Variants in L1CAM observed in about 807,000 individuals in gnomAD.
L1CAM encodes the protein neural cell adhesion molecule L1.
L1CAM carries 8 observed loss-of-function variants against 93.0 expected under a neutral mutation model. The observed-to-expected ratio is 0.09, with a 90% confidence interval of 0.05 to 0.16. The LOEUF (loss-of-function observed/expected upper bound fraction) is 0.16, where lower values mean the gene tolerates loss of function less well. L1CAM is among the 10% of genes least tolerant of loss of function. The pLI is 1.00. For missense variants in L1CAM, 777 were observed against 1,073.4 expected (o/e 0.72, Z 3.86); for synonymous variants, 453 against 453.0 (o/e 1.00, Z 0.00).
In L1CAM at chrX:153,868,967, G is replaced by A. The variant is rs782579407; in HGVS notation, c.1268-15C>T. 1.7e-5 allele frequency: 20 copies of A among 1,166,215 alleles called. No individual in the cohort carries two copies. Among genetic ancestry groups the A allele is most frequent in the Admixed American group, 2.2e-5 (1 of 45,867 alleles). On this transcript the variant is annotated splice_polypyrimidine_tract_variant and intron_variant, in intron 11 of 28. Coordinates refer to ENST00000370060, the MANE Select transcript of L1CAM (RefSeq NM_001278116.2). ...GGCTGGCAGCTCTAGGGGAGGAACA[G>A]CCTCAGGAGACAGGGCAGGACTTGG...
At position 153,871,076 on chromosome X, in the gene L1CAM, C is replaced by A; in HGVS notation, c.504G>T (p.Arg168=). ...CNPPPSAEPL[R]IYWMNSKILH... is the part of the protein sequence containing the mutation. Reference sequence around the variant, plus strand: ...ACCCACTGCTGTTCATCCAGTAGATCCGGAGAGGCTCTGCACTTGGGGGAG... The same window carrying A: ...ACCCACTGCTGTTCATCCAGTAGATACGGAGAGGCTCTGCACTTGGGGGAG... The change falls in exon 6 of 29, where the codon CGG becomes CGT. Residue 168 remains arginine (R), a synonymous_variant. Coordinates refer to ENST00000370060, the MANE Select transcript of L1CAM (RefSeq NM_001278116.2). The A allele has an allele frequency of 2.5e-6, 3 of 1,211,309 alleles. No individual in the cohort carries two copies. The highest frequency in any genetic ancestry group is 3.4e-6 in the Non-Finnish European group (3 of 895,463).
intron 1 of L1CAM, among the ~76,000 whole-genome samples, chrX:153,877,484 T>A (rs1423195670): frequency 2.1e-5 from 2 of 95,436 alleles, no homozygotes; most frequent in African/African-American, 7.8e-5. Context: ...AAAGTTAGCC[T>A]GGCGTGGTGG....
At chrX:153,884,518 T>C in intron 1 of L1CAM, 2 of 215,883 alleles carry the variant, frequency 9.3e-6, no homozygotes, top group Non-Finnish European at 1.7e-5. Context: ...TACAATAAGA[T>C]GTATTACTTT....
rs2064688066 is a variant in L1CAM, at chrX:153,863,978, C to A, written c.3362G>T (p.Gly1121Val). The A allele has an allele frequency of 8.2e-7, 1 of 1,212,229 alleles. No individual in the cohort carries two copies. The highest frequency in any genetic ancestry group is 3.0e-5 in the East Asian group (1 of 33,872). The part of the protein sequence containing the change: ...RLPPAGFATE[G>V]WFIGFVSAII... ...GGCACTCACAAAGCCGATGAACCAG[C>A]CCTCAGTGGCGAAGCCAGCAGGAGG... is the stretch of plus-strand genomic sequence containing the variant. The change falls in exon 26 of 29, where the codon GGC becomes GTC. Residue 1121 changes from glycine to valine, a missense_variant. Around this residue, in one of 5 missense-constraint regions of L1CAM, gnomAD observed 110 missense variants for 141.7 expected, o/e 0.78. Transcript: ENST00000370060.
chrX:153,872,721 G>C lies in L1CAM; in HGVS notation c.92-24C>G, dbSNP rs782251088. ...CACTGAAGACAGGGTGGAGAGAGCG[G>C]TGGTGAGGGTGCTGCCTGGCTGGTG... On this transcript the variant is annotated intron_variant, in intron 3 of 28. Coordinates refer to ENST00000370060, the MANE Select transcript of L1CAM (RefSeq NM_001278116.2). 7 of 1,118,699 alleles carry C rather than the reference G, an allele frequency of 6.3e-6. No individual in the cohort carries two copies. In the South Asian group the frequency reaches 1.3e-4, roughly 20 times the overall value. 92.2% of individuals were successfully genotyped at this position (1,118,699 alleles called of 1,213,427 possible). A position where few individuals can be genotyped will look rare whatever the true frequency, so the allele number is the denominator to read the frequency against.
intron 28 of L1CAM, among the ~76,000 whole-genome samples, chrX:153,863,122 C>T (rs2064678582): frequency 8.9e-6 from 1 of 112,089 alleles, no homozygotes. Flanking sequence ...GATTATGGGG[C>T]CTGGTTCCTG....
In L1CAM at chrX:153,862,858, T is replaced by C. The variant is rs376315514; in HGVS notation, c.3579A>G (p.Pro1193=). The part of the protein sequence containing the change: ...NEEKAFGSSQ[P]SLNGDIKPLG... Reference sequence around the variant, plus strand: ...GGGGCTTGATGTCCCCGTTGAGCGATGGCTGGCTGCTGCCAAAGGCCTTCT... The same window carrying C: ...GGGGCTTGATGTCCCCGTTGAGCGACGGCTGGCTGCTGCCAAAGGCCTTCT... The change falls in exon 29 of 29, where the codon CCA becomes CCG. Residue 1193 remains proline (P), a synonymous_variant. Transcript: ENST00000370060. 8.3e-7 allele frequency: 1 copy of C among 1,211,161 alleles called. No individual in the cohort carries two copies. Among genetic ancestry groups the C allele is most frequent in the African/African-American group, 1.7e-5 (1 of 57,594 alleles).
rs570518526 is a variant in L1CAM at position 153,878,541 on chromosome X, C to T, written c.-108-2597G>A. Among the ~76,000 whole-genome samples the T allele has an allele frequency of 5.3e-5, 6 of 112,619 alleles. No homozygotes were observed. In the South Asian group the frequency reaches 1.8e-3, roughly 34 times the overall value. On this transcript the variant is annotated intron_variant, in intron 1 of 28. Transcript: ENST00000370060. ...TACAAAGCCAGTGGATCAGGGGAGG[C>T]CCCAGGCAGCACTGGCCTCAACTTC...
At chrX:153,865,649 CTGTCGCTTTACCTCAG>C in intron 20 of L1CAM, 39 bp downstream of exon 20, 1 of 1,034,070 alleles carries the variant, frequency 9.7e-7, no homozygotes. Flanking sequence ...CCTCACCATC[CTGTCGCTTTACCTCAG>C]TGATCACCCT....
At chrX:153,871,485 G>A (rs1454025871) in intron 5 of L1CAM, among the ~76,000 whole-genome samples, 2 of 109,939 alleles carry the variant, frequency 1.8e-5, no homozygotes. Context: ...GGAGGCTGAG[G>A]CTGAGGTGCA....
chrX:153,863,305 C>T, intron 28 of L1CAM, 63 bp downstream of exon 28: 1 of 1,151,420 alleles, frequency 8.7e-7, no homozygotes, highest in South Asian at 1.8e-5. Context: ...CAATGGCACA[C>T]CAGGCGCACA....
intron 19 of L1CAM, among the ~76,000 whole-genome samples, chrX:153,866,094 C>T (rs2064709992): frequency 9.0e-6 from 1 of 111,371 alleles, no homozygotes; most frequent in Non-Finnish European, 1.9e-5. Flanking sequence ...GCGAGTGGAA[C>T]ATTTGAGGTC....
Position 153,862,783 on chromosome X carries a change from C to T in L1CAM, c.3654G>A (p.Gln1218=). The change falls in exon 29 of 29, where the codon CAG becomes CAA. Residue 1218 remains glutamine, a synonymous_variant. Coordinates refer to ENST00000370060, the MANE Select transcript of L1CAM (RefSeq NM_001278116.2). Reference sequence around the variant, plus strand: ...CAATGAACGAACCATCCTCGTTGAACTGAACATCCACGCTGCCCCCATAAT... The same window carrying T: ...CAATGAACGAACCATCCTCGTTGAATTGAACATCCACGCTGCCCCCATAAT... ...LADYGGSVDV[Q]FNEDGSFIGQ... The T allele has an allele frequency of 8.2e-7, 1 of 1,212,241 alleles. No homozygotes were observed. Among genetic ancestry groups the T allele is most frequent in the Non-Finnish European group, 1.1e-6 (1 of 895,415 alleles).
At chrX:153,880,069 C>G (rs1340397453) in intron 1 of L1CAM, among the ~76,000 whole-genome samples, 1 of 111,923 alleles carries the variant, frequency 8.9e-6, no homozygotes, top group African/African-American at 3.2e-5. Flanking sequence ...CCCAGAAGAG[C>G]CTTGCCCCAT....
In L1CAM at chrX:153,872,156, G is replaced by A. The variant is rs144708625; in HGVS notation, c.396C>T (p.Ala132=). The A allele has an allele frequency of 4.2e-4, 505 of 1,203,587 alleles. No homozygotes were observed. In the African/African-American group the frequency reaches 4.2e-3, roughly 10 times the overall value. ...TAMSHEIRLM[A]EGAPKWPKET... ...GGTCCCTGCAGCGCCTCGCACCCTC[G>A]GCCATGAGCCGGATCTCATGGGACA... The change falls in exon 5 of 29, where the codon GCC becomes GCT. Residue 132 remains alanine, a synonymous_variant. Coordinates refer to ENST00000370060, the MANE Select transcript of L1CAM (RefSeq NM_001278116.2).
In L1CAM at chrX:153,872,335, C is replaced by A. The variant is rs2148500138; in HGVS notation, c.217G>T (p.Gly73Cys). 8.3e-7 allele frequency: 1 copy of A among 1,208,753 alleles called. No individual in the cohort carries two copies. The highest frequency in any genetic ancestry group is 3.0e-5 in the East Asian group (1 of 33,754). The change falls in exon 5 of 29, where the codon GGT becomes TGT. Residue 73 changes from glycine (G) to cysteine (C), a missense_variant. Coordinates refer to ENST00000370060, the MANE Select transcript of L1CAM (RefSeq NM_001278116.2). ...PEVQFRWTRDGVHFKPKEELG... is the reference protein window; with the variant it reads ...PEVQFRWTRDCVHFKPKEELG... ...TCTTCCTTGGGTTTGAAGTGGACAC[C>A]ATCCCTCGTCCAGCGGAACCTGTGG...
chrX:153,873,192 C>A (rs1557093737), intron 3 of L1CAM, 36 bp downstream of exon 3: 2 of 1,199,584 alleles, frequency 1.7e-6, no homozygotes, highest in East Asian at 5.9e-5. Flanking sequence ...TTCTCCTTGG[C>A]CTTCTGGGAA....
intron 5 of L1CAM, among the ~76,000 whole-genome samples, chrX:153,871,640 G>C (rs1472776365): frequency 9.0e-6 from 1 of 110,830 alleles, no homozygotes; most frequent in East Asian, 2.8e-4. Context: ...AAAGCTCAGG[G>C]AGGATGGAAT....
chrX:153,881,302 G>C (rs2064843663), intron 1 of L1CAM, among the ~76,000 whole-genome samples: 1 of 111,900 alleles, frequency 8.9e-6, no homozygotes, highest in Non-Finnish European at 1.9e-5. Flanking sequence ...CTCAGCAGGG[G>C]TGGGGTTTTA....
Sources: gnomAD v4.1 joint callset for allele counts (sites outside exome capture counted in the v4.1 genomes callset) on GRCh38, gnomAD v4.1.1 for gene constraint, gnomAD v4.1.1 regional missense constraint, MANE v1.5 for transcripts, NCBI Gene and HGNC (gene_info 2026-07-23, HGNC 2026-07-21) for gene names.